Variants in KAZN observed in about 807,000 individuals in gnomAD.
The protein encoded by KAZN is kazrin, periplakin interacting protein.
KAZN carries 40 observed loss-of-function variants against 87.4 expected under a neutral mutation model. That is an observed-to-expected ratio of 0.46 (90% CI 0.36 to 0.60). The LOEUF is 0.60. Among genes scored for constraint, KAZN ranks in the 20% least tolerant of loss-of-function variants. KAZN has a pLI of 0.00. For missense variants in KAZN, 898 were observed against 1,073.9 expected, an observed-to-expected ratio of 0.84 and a Z score of 2.29; for synonymous variants, 466 against 458.3, an observed-to-expected ratio of 1.02 and a Z score of -0.22.
At chr1:15,069,657 C>G (rs1639420766) in intron 8 of KAZN, among the ~76,000 whole-genome samples, 1 of 152,214 alleles carries the variant, frequency 6.6e-6, no homozygotes, top group Non-Finnish European at 1.5e-5. Context: ...AAAAAAGAAT[C>G]TTCTCCAGGA....
intron 1 of KAZN, among the ~76,000 whole-genome samples, chr1:14,058,354 A>C (rs956000072): frequency 1.3e-5 from 2 of 152,334 alleles, no homozygotes; most frequent in Middle Eastern, 3.4e-3. Flanking sequence ...TCTTTAAAAA[A>C]ACAAAGCCAG....
chr1:14,466,619 C>A (rs1238298866), intron 2 of KAZN, among the ~76,000 whole-genome samples: 1 of 150,910 alleles, frequency 6.6e-6, no homozygotes, highest in African/African-American at 2.4e-5. Context: ...TGCAACAAAC[C>A]TTCACATCCT....
At chr1:13,958,849 G>T (rs1469325695) in intron 1 of KAZN, among the ~76,000 whole-genome samples, 1 of 152,134 alleles carries the variant, frequency 6.6e-6, no homozygotes, top group African/African-American at 2.4e-5. Flanking sequence ...TGAATTGGAG[G>T]CAGAGATGAG....
intron 2 of KAZN, among the ~76,000 whole-genome samples, chr1:14,433,303 G>T (rs560005760): frequency 6.6e-6 from 1 of 152,188 alleles, no homozygotes; most frequent in Admixed American, 6.5e-5. Flanking sequence ...CCATAGATTA[G>T]TTTTGCCTGT....
At chr1:14,170,865 G>A (rs189020012) in intron 1 of KAZN, among the ~76,000 whole-genome samples, 3 of 152,256 alleles carry the variant, frequency 2.0e-5, no homozygotes, top group Non-Finnish European at 4.4e-5. Flanking sequence ...GGGAGTACAG[G>A]TGCCTGCCAC....
At chr1:14,145,119 G>T (rs947413678) in intron 1 of KAZN, among the ~76,000 whole-genome samples, 1 of 151,700 alleles carries the variant, frequency 6.6e-6, no homozygotes, top group Non-Finnish European at 1.5e-5. Context: ...CATTATTTAC[G>T]ACTCTCCCAG....
At chr1:14,597,039 C>T (rs1038399936), upstream of KAZN, among the ~76,000 whole-genome samples, 3 of 152,170 alleles carry the variant, frequency 2.0e-5, no homozygotes, top group Non-Finnish European at 4.4e-5. Context: ...ACCACGGCAT[C>T]CCCCTTTTCA....
At chr1:14,526,190 G>T (rs1571863912) in intron 2 of KAZN, among the ~76,000 whole-genome samples, 1 of 152,180 alleles carries the variant, frequency 6.6e-6, no homozygotes, top group Admixed American at 6.5e-5. Flanking sequence ...AAGAGAGAAA[G>T]GGAATTCTCC....
At chr1:14,713,775 C>CAAAAAAAAAAA (rs58947119) in intron 1 of KAZN, among the ~76,000 whole-genome samples, 3 of 94,624 alleles carry the variant, frequency 3.2e-5, no homozygotes, top group African/African-American at 9.4e-5. Context: ...CTCATCTCTA[C>CAAAAAAAAAAA]AAAAAAAAAA....
intron 2 of KAZN, among the ~76,000 whole-genome samples, chr1:14,395,518 G>A (rs1385489536): frequency 2.0e-5 from 3 of 152,168 alleles, no homozygotes; most frequent in Admixed American, 6.5e-5. Context: ...GGCTGTGGCT[G>A]GTGGGAGCTG....
At chr1:15,062,059 C>A (rs1042612076) in intron 6 of KAZN, 1 of 152,216 alleles carries the variant, frequency 6.6e-6, no homozygotes, top group African/African-American at 2.4e-5. Context: ...CCCCCCACGG[C>A]CATATTTTGT....
intron 2 of KAZN, among the ~76,000 whole-genome samples, chr1:14,565,851 C>T (rs1050240088): frequency 6.6e-6 from 1 of 152,122 alleles, no homozygotes; most frequent in Non-Finnish European, 1.5e-5. Context: ...CTTTAGACTC[C>T]ACTTCTAATT....
intron 2 of KAZN, among the ~76,000 whole-genome samples, chr1:14,471,326 A>G (rs565249099): frequency 1.3e-5 from 2 of 152,254 alleles, no homozygotes; most frequent in African/African-American, 4.8e-5. Flanking sequence ...ATAGAAAATA[A>G]CACATATTCA....
At chr1:14,657,077 C>CT (rs35046893) in intron 1 of KAZN, among the ~76,000 whole-genome samples, 30,510 of 82,848 alleles carry the variant, frequency 0.37, 5,681 homozygotes, top group Non-Finnish European at 0.44. Flanking sequence ...AAGAGAGAGG[C>CT]TTTTTTTTTT....
chr1:14,711,970 T>C (rs1268708315), intron 1 of KAZN, among the ~76,000 whole-genome samples: 2 of 152,042 alleles, frequency 1.3e-5, no homozygotes, highest in Non-Finnish European at 2.9e-5. Context: ...GTTCCGGCCA[T>C]GGGGAGCTGC....
chr1:14,944,226 C>T (rs2101659013), intron 1 of KAZN, among the ~76,000 whole-genome samples: 1 of 88,018 alleles, frequency 1.1e-5, no homozygotes, highest in Non-Finnish European at 2.0e-5. Flanking sequence ...GCTCCCCCTC[C>T]TAAAAAAAAA....
intron 2 of KAZN, among the ~76,000 whole-genome samples, chr1:15,014,543 G>A (rs1669888903): frequency 1.3e-5 from 2 of 152,092 alleles, no homozygotes; most frequent in Admixed American, 6.5e-5. Flanking sequence ...GCCTCTCGTG[G>A]CACGGCATTT....
intron 1 of KAZN, among the ~76,000 whole-genome samples, chr1:14,076,391 G>C (rs1643462294): frequency 6.6e-6 from 1 of 152,178 alleles, no homozygotes; most frequent in Non-Finnish European, 1.5e-5. Context: ...AAGATTGCCA[G>C]CAAATGCCAG....
At chr1:14,478,574 A>C (rs1023546212) in intron 2 of KAZN, among the ~76,000 whole-genome samples, 5 of 152,024 alleles carry the variant, frequency 3.3e-5, no homozygotes, top group Non-Finnish European at 7.4e-5. Flanking sequence ...TTTTCTTAAT[A>C]TTTTCCTTCT....
Sources: gnomAD v4.1 joint callset for allele counts (sites outside exome capture counted in the v4.1 genomes callset) on GRCh38, gnomAD v4.1.1 for gene constraint, MANE v1.5 for transcripts, NCBI Gene and HGNC (gene_info 2026-07-23, HGNC 2026-07-21) for gene names.